SH3PXD2A: variants seen among roughly 807,000 people sequenced by gnomAD.
The protein encoded by SH3PXD2A is SH3 and PX domains 2A.
In SH3PXD2A, 32 loss-of-function variants were observed where a neutral mutation model predicts 115.2. The observed-to-expected ratio is 0.28, with a 90% confidence interval of 0.21 to 0.37. SH3PXD2A has a LOEUF of 0.37. SH3PXD2A is among the 10% of genes least tolerant of loss of function. The pLI, the probability that SH3PXD2A is intolerant of heterozygous loss-of-function variation, is 1.00. For missense variants in SH3PXD2A, 1,328 were observed against 1,498.7 expected (o/e 0.89, Z 1.88); for synonymous variants, 610 against 629.1 (o/e 0.97, Z 0.45).
intron 1 of SH3PXD2A, among the ~76,000 whole-genome samples, chr10:103,815,665 C>T (rs1023825647): frequency 3.3e-5 from 5 of 151,540 alleles, no homozygotes; most frequent in African/African-American, 9.7e-5. Context: ...CCGAGGCAGG[C>T]GGATCACGGA....
chr10:103,846,803 G>T (rs1482245757), intron 1 of SH3PXD2A, among the ~76,000 whole-genome samples: 1 of 152,220 alleles, frequency 6.6e-6, no homozygotes, highest in African/African-American at 2.4e-5. Context: ...TGTGTAATGT[G>T]TCATTAAGCG....
chr10:103,697,825 A>G (rs1157869112), intron 5 of SH3PXD2A, among the ~76,000 whole-genome samples: 1 of 152,194 alleles, frequency 6.6e-6, no homozygotes, highest in Non-Finnish European at 1.5e-5. Flanking sequence ...TGGTGGGGGC[A>G]GGAAAGGCAC....
At chr10:103,650,727 C>T (rs1459967074) in intron 8 of SH3PXD2A, among the ~76,000 whole-genome samples, 7 of 96,180 alleles carry the variant, frequency 7.3e-5, no homozygotes, top group African/African-American at 1.3e-4. Context: ...TGAAAGCTCA[C>T]GGTGCCCAGA....
chr10:103,852,203 C>G (rs1842902948), intron 1 of SH3PXD2A, among the ~76,000 whole-genome samples: 1 of 152,194 alleles, frequency 6.6e-6, no homozygotes. Context: ...CAAGCAGGGG[C>G]CTGGCAGAGA....
chr10:103,806,041 A>G (rs1049134895), intron 1 of SH3PXD2A, among the ~76,000 whole-genome samples: 3 of 152,164 alleles, frequency 2.0e-5, no homozygotes, highest in African/African-American at 7.2e-5. Context: ...TTCCCCCTAA[A>G]AAGCAGTTCT....
chr10:103,780,070 G>A (rs1338242575), intron 2 of SH3PXD2A, among the ~76,000 whole-genome samples: 1 of 152,176 alleles, frequency 6.6e-6, no homozygotes, highest in African/African-American at 2.4e-5. Flanking sequence ...CAAGTGCCCT[G>A]GCCACTACGG....
chr10:103,737,182 A>T (rs1474472759), intron 3 of SH3PXD2A, among the ~76,000 whole-genome samples: 1 of 152,252 alleles, frequency 6.6e-6, no homozygotes, highest in Admixed American at 6.5e-5. Context: ...TCATTTCAGC[A>T]GCTGGATGTC....
chr10:103,693,082 A>G, intron 5 of SH3PXD2A, 26 bp from the exon 6 acceptor site: 1 of 1,611,686 alleles, frequency 6.2e-7, no homozygotes, highest in South Asian at 1.1e-5. Flanking sequence ...CAACAGATAG[A>G]CATGGTTAGG....
chr10:103,724,389 T>C (rs777783788), intron 4 of SH3PXD2A, 28 bp from the exon 5 acceptor site: 1 of 1,393,648 alleles, frequency 7.2e-7, no homozygotes, highest in East Asian at 2.5e-5. Flanking sequence ...GAAAGGGCAT[T>C]AGGTGTGATG....
At chr10:103,818,467 T>G (rs1168448688) in intron 1 of SH3PXD2A, among the ~76,000 whole-genome samples, 2 of 152,172 alleles carry the variant, frequency 1.3e-5, no homozygotes, top group Non-Finnish European at 2.9e-5. Context: ...TTCCCCAGGC[T>G]CAGCAACAAA....
chr10:103,808,604 G>A (rs961626152), intron 1 of SH3PXD2A, among the ~76,000 whole-genome samples: 4 of 152,116 alleles, frequency 2.6e-5, no homozygotes, highest in African/African-American at 7.2e-5. Flanking sequence ...CCAGACTTCC[G>A]ACATCTGATC....
In SH3PXD2A at chr10:103,661,098, G is replaced by A. The variant is rs758670956; in HGVS notation, c.489C>T (p.Ala163=). ...CGTACTGTTCCAGGATCATGGGCTCGGCGGTGGCGTCGGCACCTGGCGAGG... is the reference window on the plus strand; with the variant it reads ...CGTACTGTTCCAGGATCATGGGCTCAGCGGTGGCGTCGGCACCTGGCGAGG... ...KKDVTGADAT[A]EPMILEQYVV... Residue 163 remains alanine (A), a synonymous_variant, in exon 8 of 15, where the codon GCC becomes GCT. Coordinates refer to ENST00000369774, the MANE Select transcript of SH3PXD2A (RefSeq NM_001394015.1). 4.3e-6 allele frequency: 7 copies of A among 1,613,470 alleles called. No individual in the cohort carries two copies. The highest frequency in any genetic ancestry group is 1.7e-5 in the Admixed American group (1 of 60,006).
intron 3 of SH3PXD2A, among the ~76,000 whole-genome samples, chr10:103,750,137 C>T (rs537666625): frequency 1.7e-4 from 26 of 152,312 alleles, no homozygotes; most frequent in African/African-American, 6.3e-4. Context: ...ACTGTAGCCT[C>T]GACCTCCGAG....
intron 1 of SH3PXD2A, among the ~76,000 whole-genome samples, chr10:103,808,314 T>C (rs1428371478): frequency 6.6e-6 from 1 of 151,528 alleles, no homozygotes; most frequent in African/African-American, 2.4e-5. Flanking sequence ...TGCAGTGGCG[T>C]GATCTCAGCT....
At chr10:103,745,638 T>A (rs1202085702) in intron 3 of SH3PXD2A, among the ~76,000 whole-genome samples, 1 of 152,214 alleles carries the variant, frequency 6.6e-6, no homozygotes, top group Non-Finnish European at 1.5e-5. Flanking sequence ...GGGCCCTGCC[T>A]GTCTCCTTGC....
chr10:103,757,291 C>T (rs955478802), intron 3 of SH3PXD2A, among the ~76,000 whole-genome samples: 25 of 152,136 alleles, frequency 1.6e-4, no homozygotes, highest in African/African-American at 6.0e-4. Flanking sequence ...TTAACTTCTT[C>T]AATTTTGTGC....
intron 2 of SH3PXD2A, among the ~76,000 whole-genome samples, chr10:103,785,173 G>T (rs78512543): frequency 1.9e-3 from 290 of 152,310 alleles, no homozygotes; most frequent in Non-Finnish European, 3.5e-3. Context: ...GACCTGGATC[G>T]CTGACAGCTT....
At chr10:103,794,253 C>G (rs190083886) in intron 2 of SH3PXD2A, among the ~76,000 whole-genome samples, 1 of 152,180 alleles carries the variant, frequency 6.6e-6, no homozygotes, top group Non-Finnish European at 1.5e-5. Context: ...TAGGTTAAGT[C>G]CTTCAGAGCC....
intron 2 of SH3PXD2A, among the ~76,000 whole-genome samples, chr10:103,781,907 CCTCCT>C (rs1223052796): frequency 6.6e-6 from 1 of 152,194 alleles, no homozygotes; most frequent in East Asian, 1.9e-4. Flanking sequence ...GGAGGAGCCT[CCTCCT>C]TGCCACAGGG....
Sources: allele counts gnomAD v4.1 joint callset (sites outside exome capture counted in the v4.1 genomes callset), GRCh38; gene constraint gnomAD v4.1.1; transcripts MANE v1.5; gene names NCBI Gene and HGNC (gene_info 2026-07-23, HGNC 2026-07-21).